The following PDGFC variants were observed in gnomAD, a reference collection of about 807,000 sequenced individuals.
PDGFC encodes platelet derived growth factor C, also known as platelet-derived growth factor C.
PDGFC carries 12 observed loss-of-function variants against 35.5 expected under a neutral mutation model. That is an observed-to-expected ratio of 0.34 (90% CI 0.22 to 0.55). PDGFC has a LOEUF of 0.55. Ranked by LOEUF, PDGFC falls within the 20% of genes least tolerant of loss-of-function variation. PDGFC has a pLI of 0.91. For synonymous variants in PDGFC, 159 were observed against 148.8 expected (o/e 1.07, Z -0.50); for missense variants, 322 against 412.4 (o/e 0.78, Z 1.90).
chr4:156,897,986 C>T (rs760935796), intron 1 of PDGFC, among the ~76,000 whole-genome samples: 1 of 152,130 alleles, frequency 6.6e-6, no homozygotes, highest in African/African-American at 2.4e-5. Flanking sequence ...AGAAGATGAA[C>T]TGGAGTAGTA....
intron 1 of PDGFC, among the ~76,000 whole-genome samples, chr4:156,933,747 T>C (rs1326634924): frequency 6.6e-6 from 1 of 152,200 alleles, no homozygotes; most frequent in Non-Finnish European, 1.5e-5. Flanking sequence ...TTCCCTCATG[T>C]TGTTCTTGTG....
intron 1 of PDGFC, among the ~76,000 whole-genome samples, chr4:156,945,963 C>A (rs897878127): frequency 6.6e-6 from 1 of 152,084 alleles, no homozygotes; most frequent in African/African-American, 2.4e-5. Flanking sequence ...AATTCATATT[C>A]TATCCTCTTC....
intron 1 of PDGFC, among the ~76,000 whole-genome samples, chr4:156,968,993 T>C (rs1291534623): frequency 6.6e-6 from 1 of 151,938 alleles, no homozygotes; most frequent in Non-Finnish European, 1.5e-5. Flanking sequence ...CCTTACAAAG[T>C]GATGATAGCA....
chr4:156,874,904 G>A (rs2111154319), intron 1 of PDGFC, among the ~76,000 whole-genome samples: 1 of 151,952 alleles, frequency 6.6e-6, no homozygotes, highest in South Asian at 2.1e-4. Flanking sequence ...TTTTTGTAGA[G>A]AAGGGTTTTT....
chr4:156,936,483 T>G (rs982299462), intron 1 of PDGFC, among the ~76,000 whole-genome samples: 4 of 152,236 alleles, frequency 2.6e-5, no homozygotes, highest in Admixed American at 2.6e-4. Context: ...CAACAGTTTT[T>G]TACCCTTTCT....
intron 1 of PDGFC, among the ~76,000 whole-genome samples, chr4:156,885,134 C>T (rs6829175): frequency 0.047 from 6,966 of 149,702 alleles, 522 homozygotes; most frequent in African/African-American, 0.16. Flanking sequence ...GAAAAATATA[C>T]TTGTGCATGT....
chr4:156,860,440 T>A (rs1286655752), intron 1 of PDGFC, among the ~76,000 whole-genome samples: 2 of 152,174 alleles, frequency 1.3e-5, no homozygotes, highest in Non-Finnish European at 2.9e-5. Flanking sequence ...CCATGAAATC[T>A]AATTCTGTAG....
At chr4:156,881,826 T>C (rs1730250081) in intron 1 of PDGFC, among the ~76,000 whole-genome samples, 3 of 111,572 alleles carry the variant, frequency 2.7e-5, no homozygotes, top group African/African-American at 4.1e-5. Flanking sequence ...AGCCTCAGTC[T>C]CAAAAAAAAA....
chr4:156,912,050 G>C (rs1021374021), intron 1 of PDGFC, among the ~76,000 whole-genome samples: 67 of 152,180 alleles, frequency 4.4e-4, no homozygotes, highest in African/African-American at 1.5e-3. Context: ...AGTTTTCTTA[G>C]GACTTAGACA....
At chr4:156,799,212 T>C (rs1441847564) in intron 3 of PDGFC, among the ~76,000 whole-genome samples, 1 of 152,314 alleles carries the variant, frequency 6.6e-6, no homozygotes, top group East Asian at 1.9e-4. Context: ...AGGAAAGGCA[T>C]CAGCCAGGTA....
intron 1 of PDGFC, among the ~76,000 whole-genome samples, chr4:156,863,200 GAT>G (rs1729759004): frequency 6.6e-6 from 1 of 152,158 alleles, no homozygotes; most frequent in South Asian, 2.1e-4. Flanking sequence ...AAAAGAGAGT[GAT>G]GTTATTAATT....
chr4:156,809,274 A>T (rs1731863742), intron 3 of PDGFC, among the ~76,000 whole-genome samples: 2 of 152,210 alleles, frequency 1.3e-5, no homozygotes, highest in African/African-American at 4.8e-5. Flanking sequence ...CAATAATGGA[A>T]CCAATGACAT....
intron 1 of PDGFC, among the ~76,000 whole-genome samples, chr4:156,874,193 C>T (rs1024957627): frequency 6.6e-6 from 1 of 152,080 alleles, no homozygotes; most frequent in African/African-American, 2.4e-5. Flanking sequence ...GGGATGTTCA[C>T]AAAATGTCAC....
chr4:156,967,894 A>G (rs1732502816), intron 1 of PDGFC: 1 of 152,246 alleles, frequency 6.6e-6, no homozygotes, highest in Non-Finnish European at 1.5e-5. Context: ...TAAGTGAGAC[A>G]GGGTCAGAAG....
intron 1 of PDGFC, among the ~76,000 whole-genome samples, chr4:156,952,900 G>T (rs1442695810): frequency 6.6e-6 from 1 of 151,864 alleles, no homozygotes; most frequent in Non-Finnish European, 1.5e-5. Flanking sequence ...TAGTCTGAAA[G>T]AATATGATAC....
intron 1 of PDGFC, among the ~76,000 whole-genome samples, chr4:156,878,476 A>G (rs1730167420): frequency 6.6e-6 from 1 of 152,210 alleles, no homozygotes; most frequent in Non-Finnish European, 1.5e-5. Context: ...TCCTTTGTTC[A>G]AAAACACATA....
chr4:156,861,712 A>C (rs1424412792), intron 1 of PDGFC, among the ~76,000 whole-genome samples: 1 of 152,130 alleles, frequency 6.6e-6, no homozygotes, highest in Non-Finnish European at 1.5e-5. Context: ...GGCATAGAAA[A>C]AAATAAAAGA....
intron 1 of PDGFC, among the ~76,000 whole-genome samples, chr4:156,866,954 C>A (rs1729858966): frequency 6.6e-6 from 1 of 152,064 alleles, no homozygotes; most frequent in Non-Finnish European, 1.5e-5. Flanking sequence ...CACGTCTGTA[C>A]CTGCTACTGA....
At chr4:156,808,368 A>C (rs1731830229) in intron 3 of PDGFC, among the ~76,000 whole-genome samples, 1 of 152,086 alleles carries the variant, frequency 6.6e-6, no homozygotes, top group South Asian at 2.1e-4. Context: ...CATTGTGGCC[A>C]GTGGAATCTA....
Sources: gnomAD v4.1 joint callset for allele counts (sites outside exome capture counted in the v4.1 genomes callset) on GRCh38, gnomAD v4.1.1 for gene constraint, MANE v1.5 for transcripts, NCBI Gene and HGNC (gene_info 2026-07-23, HGNC 2026-07-21) for gene names.